The following NPAS3 variants were observed in gnomAD, a reference collection of about 807,000 sequenced individuals.
NPAS3 encodes neuronal PAS domain-containing protein 3.
A neutral mutation model predicts 73.1 loss-of-function variants in NPAS3; 14 were observed. That is an observed-to-expected ratio of 0.19 (90% CI 0.13 to 0.30). The LOEUF (loss-of-function observed/expected upper bound fraction) is 0.30. NPAS3 is among the 10% of genes least tolerant of loss of function. NPAS3 has a pLI of 1.00. For synonymous variants in NPAS3, 620 were observed against 541.5 expected (o/e 1.14, Z -2.01); for missense variants, 1,096 against 1,250.0 (o/e 0.88, Z 1.86).
At chr14:33,463,977 A>C (rs1374419529) in intron 4 of NPAS3, among the ~76,000 whole-genome samples, 1 of 152,154 alleles carries the variant, frequency 6.6e-6, no homozygotes, top group Admixed American at 6.5e-5. Context: ...TGGCAAATCC[A>C]AAATATGTGC....
chr14:33,138,883 G>A (rs2043940384), intron 2 of NPAS3, among the ~76,000 whole-genome samples: 1 of 152,210 alleles, frequency 6.6e-6, no homozygotes, highest in Non-Finnish European at 1.5e-5. Flanking sequence ...AATATATTCT[G>A]TCGTGACAAG....
chr14:33,467,410 G>T (rs1450127003), intron 4 of NPAS3, among the ~76,000 whole-genome samples: 1 of 152,156 alleles, frequency 6.6e-6, no homozygotes, highest in Non-Finnish European at 1.5e-5. Context: ...TAAAGTTGAG[G>T]TCTTGCTGAT....
intron 3 of NPAS3, among the ~76,000 whole-genome samples, chr14:33,323,156 G>A (rs568412614): frequency 2.0e-5 from 3 of 152,238 alleles, no homozygotes; most frequent in Middle Eastern, 3.4e-3. Flanking sequence ...GCACATCAGG[G>A]TCGCCAAGAC....
chr14:33,095,757 C>T (rs1443943530), intron 2 of NPAS3, among the ~76,000 whole-genome samples: 1 of 150,524 alleles, frequency 6.6e-6, no homozygotes, highest in Non-Finnish European at 1.5e-5. Context: ...CAAGCTCCGC[C>T]TCCCGGGTTC....
chr14:33,367,712 G>A (rs866324974), intron 4 of NPAS3, among the ~76,000 whole-genome samples: 2 of 151,528 alleles, frequency 1.3e-5, no homozygotes, highest in African/African-American at 4.9e-5. Flanking sequence ...GTATTTGTGA[G>A]TGCTTCCAAT....
intron 4 of NPAS3, among the ~76,000 whole-genome samples, chr14:33,516,430 G>C (rs116476965): frequency 3.4e-4 from 52 of 152,228 alleles, no homozygotes; most frequent in African/African-American, 1.2e-3. Context: ...TCATCTTCCT[G>C]ATGAAATTAC....
chr14:33,651,249 C>T (rs1435942802), intron 5 of NPAS3, among the ~76,000 whole-genome samples: 1 of 152,160 alleles, frequency 6.6e-6, no homozygotes, highest in Non-Finnish European at 1.5e-5. Flanking sequence ...GGGGACGTGC[C>T]ACTCTGCATC....
chr14:33,224,477 G>A (rs376323522), intron 3 of NPAS3, among the ~76,000 whole-genome samples: 167 of 152,066 alleles, frequency 1.1e-3, no homozygotes, highest in African/African-American at 4.0e-3. Context: ...TCCTTTCTGG[G>A]TCCATAGTAT....
intron 1 of NPAS3, among the ~76,000 whole-genome samples, chr14:33,018,982 A>G (rs895765442): frequency 2.6e-5 from 4 of 152,198 alleles, no homozygotes; most frequent in African/African-American, 9.6e-5. Flanking sequence ...TATGTATCAA[A>G]TATACTCTTG....
intron 5 of NPAS3, among the ~76,000 whole-genome samples, chr14:33,562,256 G>A (rs1469592296): frequency 6.6e-6 from 1 of 152,200 alleles, no homozygotes; most frequent in African/African-American, 2.4e-5. Flanking sequence ...TGACGCTTCT[G>A]TGAAATAAAG....
intron 4 of NPAS3, among the ~76,000 whole-genome samples, chr14:33,397,672 G>C (rs2047281176): frequency 6.6e-6 from 1 of 152,084 alleles, no homozygotes; most frequent in Non-Finnish European, 1.5e-5. Context: ...AAGACATGTA[G>C]GAGACAGGTA....
chr14:33,718,979 C>A (rs2061031019), intron 6 of NPAS3, among the ~76,000 whole-genome samples: 1 of 151,930 alleles, frequency 6.6e-6, no homozygotes, highest in African/African-American at 2.4e-5. Context: ...ATACAAAAAT[C>A]TAGCCAGGTG....
intron 1 of NPAS3, among the ~76,000 whole-genome samples, chr14:32,983,931 A>G (rs1297546026): frequency 6.6e-6 from 1 of 152,174 alleles, no homozygotes. Context: ...CATGTTGGCC[A>G]GGCTGGTCTC....
chr14:33,175,351 A>G (rs2045549079), intron 2 of NPAS3, among the ~76,000 whole-genome samples: 1 of 152,164 alleles, frequency 6.6e-6, no homozygotes. Context: ...GTTACCATTA[A>G]AAAAATTTGT....
At position 33,402,441 on chromosome 14, in the gene NPAS3, G is replaced by A. The variant is rs920117606; in HGVS notation, c.468+35173G>A. On this transcript the variant is annotated intron_variant, in intron 4 of 11. Transcript: ENST00000356141. ...CTTTCAGGAGGTGCTTCTCTAACTCGGATGAATTGAATGGTGTGAGGGACA... is the reference window on the plus strand; with the variant it reads ...CTTTCAGGAGGTGCTTCTCTAACTCAGATGAATTGAATGGTGTGAGGGACA... Among the ~76,000 whole-genome samples the A allele has an allele frequency of 4.6e-5, 7 of 152,006 alleles. No individual in the cohort carries two copies. The South Asian group carries it at 6.3e-4, about 14-fold the overall frequency.
intron 3 of NPAS3, among the ~76,000 whole-genome samples, chr14:33,215,977 T>C (rs1485942818): frequency 6.6e-6 from 1 of 152,252 alleles, no homozygotes; most frequent in Non-Finnish European, 1.5e-5. Context: ...AAATCCTTGA[T>C]GCAGTTACTC....
intron 5 of NPAS3, among the ~76,000 whole-genome samples, chr14:33,596,494 T>G (rs2139975006): frequency 6.6e-6 from 1 of 152,288 alleles, no homozygotes; most frequent in South Asian, 2.1e-4. Flanking sequence ...TGGCTTGCCG[T>G]TTACTCAAAT....
chr14:33,334,101 TAGAA>T (rs2044106345), intron 3 of NPAS3, among the ~76,000 whole-genome samples: 2 of 152,162 alleles, frequency 1.3e-5, no homozygotes, highest in Non-Finnish European at 2.9e-5. Context: ...TATTTGGAAA[TAGAA>T]AGTCAGTATG....
At chr14:33,708,058 CA>C (rs773540712) in intron 6 of NPAS3, among the ~76,000 whole-genome samples, 1 of 150,508 alleles carries the variant, frequency 6.6e-6, no homozygotes, top group East Asian at 1.9e-4. Flanking sequence ...CGAGCAGCCA[CA>C]AAAAAAAACA....
Sources: allele counts gnomAD v4.1 joint callset (sites outside exome capture counted in the v4.1 genomes callset), GRCh38; gene constraint gnomAD v4.1.1; transcripts MANE v1.5; gene names NCBI Gene and HGNC (gene_info 2026-07-23, HGNC 2026-07-21).